Variants in GORAB observed in about 807,000 individuals in gnomAD.
GORAB encodes RAB6-interacting golgin.
A neutral mutation model predicts 29.9 loss-of-function variants in GORAB; 17 were observed. The observed-to-expected ratio is 0.57, with a 90% CI of 0.39 to 0.85. The LOEUF is 0.85. Among genes scored for constraint, GORAB ranks in the 40% least tolerant of loss-of-function variants. The pLI is 0.00. For missense variants in GORAB, 442 were observed against 437.8 expected (o/e 1.01, Z -0.09); for synonymous variants, 183 against 157.2 (o/e 1.16, Z -1.23).
intron 3 of GORAB, among the ~76,000 whole-genome samples, chr1:170,543,681 A>G (rs1173480249): frequency 7.2e-6 from 1 of 138,460 alleles, no homozygotes; most frequent in Non-Finnish European, 1.6e-5. Context: ...AAAGCATTTT[A>G]GTAGTCTTCA....
At chr1:170,545,238 A>T (rs1649684409) in intron 4 of GORAB, 1 of 995,834 alleles carries the variant, frequency 1.0e-6, no homozygotes. Context: ...AAAATTTTTG[A>T]TATCTGATAT....
chr1:170,539,264 A>G lies in GORAB; in HGVS notation c.116A>G (p.Gln39Arg), dbSNP rs1387568836. 1.2e-6 allele frequency: 2 copies of G among 1,614,170 alleles called. No individual in the cohort carries two copies. Among genetic ancestry groups the G allele is most frequent in the South Asian group, 1.1e-5 (1 of 91,080 alleles). ...LPAKKSRQQL[Q>R]REKALVEQSQ... Reference sequence around the variant, plus strand: ...GCGAAGAAAAGTCGACAACAACTTCAGCGAGAAAAAGCCCTTGTAGAGCAA... The same window carrying G: ...GCGAAGAAAAGTCGACAACAACTTCGGCGAGAAAAAGCCCTTGTAGAGCAA... The change falls in exon 2 of 5, where the codon CAG becomes CGG. Residue 39 changes from glutamine to arginine, a missense_variant. By Grantham distance (43) the Gln-to-Arg change is conservative (BLOSUM62 1). Coordinates refer to ENST00000367763, the MANE Select transcript of GORAB (RefSeq NM_152281.3).
At chr1:170,543,078 G>T (rs897934997) in intron 3 of GORAB, among the ~76,000 whole-genome samples, 1 of 152,126 alleles carries the variant, frequency 6.6e-6, no homozygotes, top group Admixed American at 6.5e-5. Context: ...GAAGATACAT[G>T]ATATAGTTTA....
At position 170,552,967 on chromosome 1, in the gene GORAB, A is replaced by G. The variant is rs992698557; in HGVS notation, c.*505A>G. ...AGGTTGAATTATCTATCTGGATATT[A>G]CTAGAGTTGTAAAACACAACTTGGA... On this transcript the variant is annotated 3_prime_UTR_variant, in exon 5 of 5. Transcript: ENST00000367763. 1.3e-5 allele frequency: 6 copies of G among 452,736 alleles called. No individual in the cohort carries two copies. Among genetic ancestry groups the G allele is most frequent in the African/African-American group, 8.0e-5 (4 of 49,968 alleles). 28.0% of individuals were successfully genotyped at this position (452,736 alleles called of 1,614,324 possible). A position where few individuals can be genotyped will look rare whatever the true frequency, so the allele number is the denominator to read the frequency against.
intron 4 of GORAB, among the ~76,000 whole-genome samples, chr1:170,549,765 T>C (rs1358580804): frequency 6.6e-6 from 1 of 152,240 alleles, no homozygotes; most frequent in Non-Finnish European, 1.5e-5. Context: ...TTTTTACATT[T>C]ACTATATTTA....
chr1:170,540,160 G>C lies in GORAB; in HGVS notation c.419+593G>C, dbSNP rs187086558. Among the ~76,000 whole-genome samples, 11 of 152,092 alleles carry C rather than the reference G, an allele frequency of 7.2e-5. No homozygotes were observed. In the East Asian group the frequency reaches 2.1e-3, roughly 29 times the overall value. ...GAGAGACGTGAAGGGATGGTCAAAGGAGAGAGTGTAGGAAATTTAGGGGAC... is the reference window on the plus strand; with the variant it reads ...GAGAGACGTGAAGGGATGGTCAAAGCAGAGAGTGTAGGAAATTTAGGGGAC... On this transcript the variant is annotated intron_variant, in intron 2 of 4. Transcript: ENST00000367763.
rs16863429 is a variant in GORAB at position 170,551,947 on chromosome 1, T to C, written c.663-68T>C. On this transcript the variant is annotated intron_variant, in intron 4 of 4. Coordinates refer to ENST00000367763, the MANE Select transcript of GORAB (RefSeq NM_152281.3). ...AATTTTGGAGTTGAGTTATTGTTTC[T>C]AGATCCTCTTTTGAATATCTTCTTC... is the stretch of plus-strand genomic sequence containing the variant. 7.2e-4 allele frequency: 989 copies of C among 1,369,318 alleles called. 11 individuals carry two copies. The East Asian group carries it at 0.018, about 25-fold the overall frequency. 84.8% of individuals were successfully genotyped at this position (1,369,318 alleles called of 1,614,324 possible).
intron 1 of GORAB, among the ~76,000 whole-genome samples, chr1:170,533,830 T>A (rs1019381311): frequency 6.6e-6 from 1 of 152,132 alleles, no homozygotes; most frequent in Non-Finnish European, 1.5e-5. Flanking sequence ...ACGGAAAATA[T>A]CTTAACCTCC....
Position 170,532,297 on chromosome 1 carries a change from G to C in GORAB, c.61+13G>C. 2 of 1,613,700 alleles carry C rather than the reference G, an allele frequency of 1.2e-6. No homozygotes were observed. Among genetic ancestry groups the C allele is most frequent in the Non-Finnish European group, 1.7e-6 (2 of 1,179,632 alleles). On this transcript the variant is annotated intron_variant, in intron 1 of 4. Transcript: ENST00000367763. ...AAGCAGACTAAAGGTTACAAGATGG[G>C]TTTACAGTGGTTTAATTCTTGGGTC...
At chr1:170,534,300 A>G (rs926149582) in intron 1 of GORAB, among the ~76,000 whole-genome samples, 2 of 152,236 alleles carry the variant, frequency 1.3e-5, no homozygotes, top group Admixed American at 6.5e-5. Context: ...GAACAACACA[A>G]GTTTGAACTG....
At chr1:170,532,583 G>A (rs1261741313) in intron 1 of GORAB, 1 of 402,568 alleles carries the variant, frequency 2.5e-6, no homozygotes, top group African/African-American at 2.1e-5. Flanking sequence ...TACAGCCGGG[G>A]TGTCTCCCTT....
At chr1:170,541,724 C>G (rs1262764193) in intron 2 of GORAB, among the ~76,000 whole-genome samples, 3 of 152,138 alleles carry the variant, frequency 2.0e-5, no homozygotes, top group African/African-American at 7.2e-5. Context: ...TAGAATTGGA[C>G]AGATTGTAAG....
chr1:170,551,121 G>T (rs1294243910), intron 4 of GORAB, among the ~76,000 whole-genome samples: 2 of 152,110 alleles, frequency 1.3e-5, no homozygotes, highest in Non-Finnish European at 2.9e-5. Flanking sequence ...CTTAACCCAA[G>T]GATTCTCAAC....
intron 1 of GORAB, among the ~76,000 whole-genome samples, chr1:170,538,150 C>T (rs1649171374): frequency 6.6e-6 from 1 of 152,284 alleles, no homozygotes; most frequent in East Asian, 1.9e-4. Flanking sequence ...AATTTTCAAC[C>T]AGCTTGATAG....
chr1:170,539,889 T>C (rs964336905), intron 2 of GORAB, among the ~76,000 whole-genome samples: 2 of 152,100 alleles, frequency 1.3e-5, no homozygotes, highest in African/African-American at 4.8e-5. Context: ...TAGTAAATAG[T>C]AGAGATTTAC....
At position 170,552,351 on chromosome 1, in the gene GORAB, T is replaced by A; in HGVS notation, c.999T>A (p.Ala333=). 4 of 1,614,134 alleles carry A rather than the reference T, an allele frequency of 2.5e-6. No individual in the cohort carries two copies. Among genetic ancestry groups the A allele is most frequent in the Non-Finnish European group, 3.4e-6 (4 of 1,179,970 alleles). Residue 333 remains alanine, a synonymous_variant, in exon 5 of 5, where the codon GCT becomes GCA. Transcript: ENST00000367763. The part of the protein sequence containing the change: ...AKENRKCQEQ[A]VSPKVDDQCG... ...AGAACAGAAAGTGTCAAGAACAAGCTGTTTCCCCAAAGGTAGATGACCAGT... is the reference window on the plus strand; with the variant it reads ...AGAACAGAAAGTGTCAAGAACAAGCAGTTTCCCCAAAGGTAGATGACCAGT...
At chr1:170,542,940 T>G (rs570364040) in intron 3 of GORAB, among the ~76,000 whole-genome samples, 1 of 152,314 alleles carries the variant, frequency 6.6e-6, no homozygotes, top group South Asian at 2.1e-4. Context: ...AATTTTTATG[T>G]GGGGAGGCCT....
chr1:170,549,816 T>A (rs1650004889), intron 4 of GORAB, among the ~76,000 whole-genome samples: 1 of 152,206 alleles, frequency 6.6e-6, no homozygotes, highest in Non-Finnish European at 1.5e-5. Context: ...ATTATGTAAA[T>A]GAGTTTTCAA....
At position 170,553,060 on chromosome 1, in the gene GORAB, A is replaced by G. The variant is rs886045555; in HGVS notation, c.*598A>G. On this transcript the variant is annotated 3_prime_UTR_variant, in exon 5 of 5. Coordinates refer to ENST00000367763, the MANE Select transcript of GORAB (RefSeq NM_152281.3). ...CACTTTTGTCTTCAATTTGCCTTCC[A>G]GTGATTTTAGTTTACAACCTGCGTT... is the stretch of plus-strand genomic sequence containing the variant. 6 of 453,764 alleles carry G rather than the reference A, an allele frequency of 1.3e-5. No individual in the cohort carries two copies. Among genetic ancestry groups the G allele is most frequent in the African/African-American group, 4.0e-5 (2 of 50,032 alleles). 28.1% of individuals were successfully genotyped at this position (453,764 alleles called of 1,614,324 possible). A position where few individuals can be genotyped will look rare whatever the true frequency, so the allele number is the denominator to read the frequency against.
Sources: allele counts gnomAD v4.1 joint callset (sites outside exome capture counted in the v4.1 genomes callset), GRCh38; gene constraint gnomAD v4.1.1; transcripts MANE v1.5; gene names NCBI Gene and HGNC (gene_info 2026-07-23, HGNC 2026-07-21).